NFIX: variants seen among roughly 807,000 people sequenced by gnomAD.
NFIX encodes the protein nuclear factor 1 X-type.
In NFIX, 2 loss-of-function variants were observed where a neutral mutation model predicts 53.3. That is an observed-to-expected ratio of 0.04 (90% CI 0.02 to 0.12). NFIX has a LOEUF of 0.12. NFIX is among the 10% of genes least tolerant of loss of function. The probability of loss-of-function intolerance (pLI) is 1.00; values close to 1 mark genes in which losing one functional copy is unlikely to be tolerated. For missense variants in NFIX, 310 were observed against 674.5 expected (o/e 0.46, Z 5.99); for synonymous variants, 244 against 289.0 (o/e 0.84, Z 1.58).
rs1599876893 is a variant in NFIX at position 13,088,618 on chromosome 19, A to C, written c.1402+482A>C. Among the ~76,000 whole-genome samples the C allele has an allele frequency of 2.1e-5, 3 of 143,474 alleles. No homozygotes were observed. Among genetic ancestry groups the C allele is most frequent in the Admixed American group, 7.0e-5 (1 of 14,360 alleles). The allele number at this position is 143,474 out of a possible 152,430, so 94.1% of individuals were successfully genotyped here. A position where few individuals can be genotyped will look rare whatever the true frequency, so the allele number is the denominator to read the frequency against. ...CCATCCCCTTTTTGCCTTGCCCCTC[A>C]CCTCCATCCCTGGGCCCTTGGGCCT... On this transcript the variant is annotated intron_variant, in intron 9 of 10. Transcript: ENST00000592199. This position sits in a 1 kb window ranked among gnomAD's most constrained non-coding sequence, Gnocchi z 5.9.
rs1018555467 is a variant in NFIX, at chr19:13,088,615, C to G, written c.1402+479C>G. On this transcript the variant is annotated intron_variant, in intron 9 of 10. Transcript: ENST00000592199. This position sits in a 1 kb window ranked among gnomAD's most constrained non-coding sequence, Gnocchi z 5.9. The stretch of plus-strand genomic sequence containing the variant: ...CCACCATCCCCTTTTTGCCTTGCCC[C>G]TCACCTCCATCCCTGGGCCCTTGGG... Among the ~76,000 whole-genome samples, 1 of 151,970 alleles carries G rather than the reference C, an allele frequency of 6.6e-6. No homozygotes were observed. The highest frequency in any genetic ancestry group is 2.4e-5 in the African/African-American group (1 of 41,350).
At chr19:13,047,043 A>C (rs775057289) in intron 2 of NFIX, among the ~76,000 whole-genome samples, 25 of 152,046 alleles carry the variant, frequency 1.6e-4, no homozygotes, top group Non-Finnish European at 2.6e-4. Flanking sequence ...TTGACCTTGA[A>C]GTCTAGTTAT....
At chr19:13,016,213 TAATAAAAATTTA>T (rs2012657037) in intron 1 of NFIX, among the ~76,000 whole-genome samples, 1 of 152,158 alleles carries the variant, frequency 6.6e-6, no homozygotes, top group South Asian at 2.1e-4. Flanking sequence ...TTACAAAATA[TAATAAAAATTTA>T]AATAAAAATT....
In NFIX at chr19:13,060,185, C is replaced by T. The variant is rs1414453555; in HGVS notation, c.560-12862C>T. On this transcript the variant is annotated intron_variant, in intron 2 of 10. Coordinates refer to ENST00000592199, the MANE Select transcript of NFIX (RefSeq NM_001365902.3). The surrounding 1 kb of genome is among the most constrained non-coding windows in gnomAD (Gnocchi z 4.3). ...TAAGCCTGTTCTCAGCTCCCCTTTA[C>T]TAGGGACAGGTAATTCCACTCTGGC... 6.6e-6 allele frequency among the ~76,000 whole-genome samples: 1 copy of T among 152,228 alleles called. No homozygotes were observed. The highest frequency in any genetic ancestry group is 1.9e-4 in the East Asian group (1 of 5,196).
At chr19:13,087,298 G>T (rs200219935) in intron 8 of NFIX, among the ~76,000 whole-genome samples, 2 of 152,328 alleles carry the variant, frequency 1.3e-5, no homozygotes, top group East Asian at 3.9e-4. Flanking sequence ...CATCCATGGC[G>T]TCTGAGGGCG....
In NFIX at chr19:13,043,961, A is replaced by G. The variant is rs1277427866; in HGVS notation, c.559+18409A>G. 6.6e-6 allele frequency among the ~76,000 whole-genome samples: 1 copy of G among 152,116 alleles called. No homozygotes were observed. Among genetic ancestry groups the G allele is most frequent in the African/African-American group, 2.4e-5 (1 of 41,400 alleles). The stretch of plus-strand genomic sequence containing the variant: ...GTAGCAAGACCCCCATCTCTATAAA[A>G]TAAAATTTAAAAAAAAAGAAAAAAG... On this transcript the variant is annotated intron_variant, in intron 2 of 10. Transcript: ENST00000592199. This position sits in a 1 kb window ranked among gnomAD's most constrained non-coding sequence, Gnocchi z 4.0.
Position 13,078,510 on chromosome 19 carries a change from GGAGGGGCTGAGGAGAGAAGGAGC to G in NFIX, c.956-99_956-77del. ...AGCACAGTGGAGGAAGGGGCAGTGG[GGAGGGGCTGAGGAGAGAAGGAGC>G]GAGCTGCTGGCTTCCCGCCTTCCCC... is the stretch of plus-strand genomic sequence containing the variant. On this transcript the variant is annotated intron_variant, in intron 6 of 10. Transcript: ENST00000592199. The surrounding 1 kb of genome is among the most constrained non-coding windows in gnomAD (Gnocchi z 4.7). The G allele has an allele frequency of 7.2e-7, 1 of 1,386,576 alleles. No homozygotes were observed. The highest frequency in any genetic ancestry group is 9.8e-7 in the Non-Finnish European group (1 of 1,015,692). The allele number at this position is 1,386,576 out of a possible 1,614,324, so 85.9% of individuals were successfully genotyped here. A position where few individuals can be genotyped will look rare whatever the true frequency, so the allele number is the denominator to read the frequency against.
intron 2 of NFIX, among the ~76,000 whole-genome samples, chr19:13,058,108 G>C (rs1343775753): frequency 6.6e-6 from 1 of 151,962 alleles, no homozygotes; most frequent in Admixed American, 6.5e-5. Flanking sequence ...GCCCTAAGTT[G>C]GGGTGAGGTG....
chr19:13,053,773 C>T (rs1356286120), intron 2 of NFIX, among the ~76,000 whole-genome samples: 5 of 152,120 alleles, frequency 3.3e-5, no homozygotes. Flanking sequence ...GGCTCCCTCC[C>T]TGGGAGTCTG....
rs1007160164 is a variant in NFIX, at chr19:13,022,806, C to A, written c.28-2215C>A. Among the ~76,000 whole-genome samples, 8 of 152,146 alleles carry A rather than the reference C, an allele frequency of 5.3e-5. No homozygotes were observed. The highest frequency in any genetic ancestry group is 8.8e-5 in the Non-Finnish European group (6 of 68,028). On this transcript the variant is annotated intron_variant, in intron 1 of 10. Coordinates refer to ENST00000592199, the MANE Select transcript of NFIX (RefSeq NM_001365902.3). This position sits in a 1 kb window ranked among gnomAD's most constrained non-coding sequence, Gnocchi z 4.5. Reference sequence around the variant, plus strand: ...GAGTCTTCCACAATCCCAGTCCCCCCCAATGCCCCACCCCACCCCCAGATT... The same window carrying A: ...GAGTCTTCCACAATCCCAGTCCCCCACAATGCCCCACCCCACCCCCAGATT...
rs747333782 is a variant in NFIX, at chr19:13,025,026, G to A, written c.33G>A (p.Glu11=). Reference sequence around the variant, plus strand: ...TCCCGGCTTGCCGCCTGCAGGATGAGTTCCACCCGTTCATCGAGGCACTGC... The same window carrying A: ...TCCCGGCTTGCCGCCTGCAGGATGAATTCCACCCGTTCATCGAGGCACTGC... MYSPYCLTQD[E]FHPFIEALLP... The change falls in exon 2 of 11, where the codon GAG becomes GAA. Residue 11 remains glutamate, a synonymous_variant. Transcript: ENST00000592199. The surrounding 1 kb of genome is among the most constrained non-coding windows in gnomAD (Gnocchi z 7.5). 5.0e-6 allele frequency: 8 copies of A among 1,602,078 alleles called. No homozygotes were observed. In the Admixed American group the frequency reaches 1.2e-4, roughly 24 times the overall value.
intron 5 of NFIX, among the ~76,000 whole-genome samples, chr19:13,074,662 G>T (rs532296369): frequency 4.7e-5 from 7 of 150,048 alleles, no homozygotes; most frequent in Admixed American, 1.3e-4. Context: ...CAGGGATGTG[G>T]GTTCTGGCCA....
rs898472015 is a variant in NFIX, at chr19:13,060,375, C to T, written c.560-12672C>T. On this transcript the variant is annotated intron_variant, in intron 2 of 10. Transcript: ENST00000592199. The surrounding 1 kb of genome is among the most constrained non-coding windows in gnomAD (Gnocchi z 4.3). ...TCTGGAACGGGTGAAGGAGAGAGCC[C>T]GGGAGCCTCACTGTGGGTGGGAGGG... Among the ~76,000 whole-genome samples the T allele has an allele frequency of 5.3e-5, 8 of 152,350 alleles. No individual in the cohort carries two copies. The highest frequency in any genetic ancestry group is 3.4e-3 in the Middle Eastern group (1 of 294).
chr19:13,020,060 C>G, intron 1 of NFIX, among the ~76,000 whole-genome samples: 1 of 152,022 alleles, frequency 6.6e-6, no homozygotes, highest in Non-Finnish European at 1.5e-5. Flanking sequence ...CTTACACTTG[C>G]CAGTGACTCA....
chr19:13,054,828 G>A (rs541980943), intron 2 of NFIX, among the ~76,000 whole-genome samples: 2 of 152,188 alleles, frequency 1.3e-5, no homozygotes, highest in South Asian at 2.1e-4. Context: ...GAACACTTTC[G>A]AATGTCAGCA....
intron 2 of NFIX, among the ~76,000 whole-genome samples, chr19:13,041,174 C>T (rs1282778028): frequency 1.3e-5 from 2 of 152,178 alleles, no homozygotes; most frequent in African/African-American, 2.4e-5. Flanking sequence ...GGAGGCCAAG[C>T]CTGCCTCTCA....
At chr19:13,003,934 C>G (rs1418272751) in intron 1 of NFIX, among the ~76,000 whole-genome samples, 1 of 151,990 alleles carries the variant, frequency 6.6e-6, no homozygotes, top group South Asian at 2.1e-4. Flanking sequence ...ACCACCATAC[C>G]CAGCTAATTT....
chr19:13,007,047 G>T lies in NFIX; in HGVS notation c.27+11183G>T, dbSNP rs147648253. Among the ~76,000 whole-genome samples the T allele has an allele frequency of 1.3e-3, 201 of 152,198 alleles. 3 individuals are homozygous for T. Among genetic ancestry groups the T allele is most frequent in the African/African-American group, 3.8e-3 (159 of 41,532 alleles). On this transcript the variant is annotated intron_variant, in intron 1 of 10. Transcript: ENST00000592199. Reference sequence around the variant, plus strand: ...CTGGAAGGGCCGGGCTGCCTCTTCCGCTGCCCCTTTGCAGCCTGGAGCTCA... The same window carrying T: ...CTGGAAGGGCCGGGCTGCCTCTTCCTCTGCCCCTTTGCAGCCTGGAGCTCA...
Position 13,072,493 on chromosome 19 carries a change from T to G in NFIX, c.560-554T>G, listed in dbSNP as rs908213791. Among the ~76,000 whole-genome samples the G allele has an allele frequency of 6.6e-6, 1 of 152,166 alleles. No homozygotes were observed. The highest frequency in any genetic ancestry group is 2.4e-5 in the African/African-American group (1 of 41,440). On this transcript the variant is annotated intron_variant, in intron 2 of 10. Transcript: ENST00000592199. The surrounding 1 kb of genome is among the most constrained non-coding windows in gnomAD (Gnocchi z 4.0). ...GGAGGCGCAGGCAGACAGGAATGGC[T>G]TCAATTAACCAAGTTAGGGAAGGGG...
Sources: gnomAD v4.1 joint callset for allele counts (sites outside exome capture counted in the v4.1 genomes callset) on GRCh38, gnomAD v4.1.1 for gene constraint, Gnocchi (gnomAD v3.1) non-coding constraint, MANE v1.5 for transcripts, NCBI Gene and HGNC (gene_info 2026-07-23, HGNC 2026-07-21) for gene names.